Variants in MARK1 observed in about 807,000 individuals in gnomAD.
MARK1 encodes the protein serine/threonine-protein kinase MARK1.
Under a neutral mutation model 96.3 loss-of-function variants are expected in MARK1, and 40 were observed. That is an observed-to-expected ratio of 0.42 (90% CI 0.32 to 0.54). The LOEUF (loss-of-function observed/expected upper bound fraction) is 0.54. MARK1 is among the 20% of genes least tolerant of loss of function. MARK1 has a pLI of 0.16. For missense variants in MARK1, 719 were observed against 984.6 expected, an observed-to-expected ratio of 0.73 and a Z score of 3.61; for synonymous variants, 317 against 341.2, an observed-to-expected ratio of 0.93 and a Z score of 0.78.
At chr1:220,580,675 A>T (rs1664178017) in intron 2 of MARK1, among the ~76,000 whole-genome samples, 1 of 152,194 alleles carries the variant, frequency 6.6e-6, no homozygotes, top group Admixed American at 6.5e-5. Flanking sequence ...AAGCTTGGAT[A>T]TCCAATCTCT....
chr1:220,650,205 C>T (rs943618649), intron 13 of MARK1, among the ~76,000 whole-genome samples: 1 of 152,156 alleles, frequency 6.6e-6, no homozygotes, highest in African/African-American at 2.4e-5. Context: ...AGCCCACTGG[C>T]TTCTGAGTGG....
chr1:220,637,990 A>G (rs891387914), intron 13 of MARK1, among the ~76,000 whole-genome samples: 1 of 151,908 alleles, frequency 6.6e-6, no homozygotes, highest in African/African-American at 2.4e-5. Context: ...TGTATGTATG[A>G]TATGATTAGA....
intron 13 of MARK1, among the ~76,000 whole-genome samples, chr1:220,647,003 G>T (rs1668613120): frequency 6.6e-6 from 1 of 152,032 alleles, no homozygotes; most frequent in Non-Finnish European, 1.5e-5. Context: ...GGCAAAGATT[G>T]TATGATGAAA....
chr1:220,649,110 C>G (rs1281529417), intron 13 of MARK1, among the ~76,000 whole-genome samples: 1 of 152,160 alleles, frequency 6.6e-6, no homozygotes, highest in East Asian at 1.9e-4. Context: ...CAATTTCTTT[C>G]AAACTGTGAA....
chr1:220,648,943 T>C (rs780204333), intron 13 of MARK1, among the ~76,000 whole-genome samples: 1 of 152,142 alleles, frequency 6.6e-6, no homozygotes, highest in African/African-American at 2.4e-5. Flanking sequence ...AAGAGTAAAG[T>C]AGGAAATAAT....
At chr1:220,622,662 C>A (rs1182600305) in intron 9 of MARK1, among the ~76,000 whole-genome samples, 1 of 152,104 alleles carries the variant, frequency 6.6e-6, no homozygotes, top group African/African-American at 2.4e-5. Context: ...TTTGGGAGGC[C>A]AAGGCGGGCA....
At chr1:220,586,011 A>ACGCACGCG (rs1553322976) in intron 3 of MARK1, among the ~76,000 whole-genome samples, 5,625 of 148,564 alleles carry the variant, frequency 0.038, 143 homozygotes, top group Admixed American at 0.067. Flanking sequence ...ACACACACAC[A>ACGCACGCG]CGCGCGCGTG....
intron 3 of MARK1, among the ~76,000 whole-genome samples, chr1:220,594,787 A>G (rs981038282): frequency 1.3e-5 from 2 of 152,218 alleles, no homozygotes; most frequent in Non-Finnish European, 2.9e-5. Context: ...TACATGCTGT[A>G]TGATTTCAAG....
At chr1:220,561,710 C>T (rs895679317) in intron 1 of MARK1, among the ~76,000 whole-genome samples, 1 of 152,020 alleles carries the variant, frequency 6.6e-6, no homozygotes, top group African/African-American at 2.4e-5. Flanking sequence ...ATAGTATAGA[C>T]AATGGGTAAT....
intron 9 of MARK1, among the ~76,000 whole-genome samples, chr1:220,624,682 A>G (rs894879070): frequency 2.0e-5 from 3 of 152,148 alleles, no homozygotes; most frequent in Non-Finnish European, 4.4e-5. Flanking sequence ...GGTTTGATCC[A>G]TGTATATATT....
At chr1:220,561,248 TA>T (rs1359269875) in intron 1 of MARK1, among the ~76,000 whole-genome samples, 1 of 152,156 alleles carries the variant, frequency 6.6e-6, no homozygotes, top group Non-Finnish European at 1.5e-5. Flanking sequence ...ACACATGAGA[TA>T]AATGCTCTGT....
At chr1:220,612,051 A>T (rs915445665) in intron 6 of MARK1, among the ~76,000 whole-genome samples, 1 of 152,194 alleles carries the variant, frequency 6.6e-6, no homozygotes, top group South Asian at 2.1e-4. Context: ...CGTTTTAAGT[A>T]TTATTCATTT....
intron 7 of MARK1, among the ~76,000 whole-genome samples, chr1:220,616,336 G>C (rs185581757): frequency 1.3e-5 from 2 of 152,096 alleles, no homozygotes; most frequent in South Asian, 2.1e-4. Context: ...TTTCCCTTAC[G>C]TAAGAGACAG....
chr1:220,649,458 G>A (rs1448898201), intron 13 of MARK1, among the ~76,000 whole-genome samples: 1 of 152,012 alleles, frequency 6.6e-6, no homozygotes, highest in South Asian at 2.1e-4. Context: ...TGAACTCCTA[G>A]CCTCAAATGA....
At chr1:220,580,088 A>G (rs1300298408) in intron 2 of MARK1, among the ~76,000 whole-genome samples, 1 of 152,142 alleles carries the variant, frequency 6.6e-6, no homozygotes, top group East Asian at 1.9e-4. Context: ...TACGTTGTGT[A>G]TATATACCTG....
At chr1:220,547,452 T>G (rs993928174) in intron 1 of MARK1, among the ~76,000 whole-genome samples, 1 of 152,092 alleles carries the variant, frequency 6.6e-6, no homozygotes, top group Admixed American at 6.5e-5. Flanking sequence ...CAAGGAGAGG[T>G]AAGAGTATGG....
chr1:220,626,720 G>A, intron 9 of MARK1: 2 of 335,052 alleles, frequency 6.0e-6, no homozygotes, highest in Non-Finnish European at 1.2e-5. Context: ...TATTCGGGAG[G>A]CTGAGTCATG....
chr1:220,582,506 A>G (rs1406384410), intron 3 of MARK1, among the ~76,000 whole-genome samples: 6 of 152,208 alleles, frequency 3.9e-5, no homozygotes, highest in African/African-American at 1.4e-4. Context: ...GGGTAATTGT[A>G]CACAGTGTCC....
intron 9 of MARK1, among the ~76,000 whole-genome samples, chr1:220,623,493 C>G (rs183982314): frequency 9.2e-5 from 14 of 152,304 alleles, no homozygotes; most frequent in Admixed American, 9.2e-4. Flanking sequence ...GAGAAGATTA[C>G]TTTTATTCTG....
Sources: allele counts gnomAD v4.1 joint callset (sites outside exome capture counted in the v4.1 genomes callset), GRCh38; gene constraint gnomAD v4.1.1; transcripts MANE v1.5; gene names NCBI Gene and HGNC (gene_info 2026-07-23, HGNC 2026-07-21).